NEK10: variants seen among roughly 807,000 people sequenced by gnomAD.
The protein encoded by NEK10 is serine/threonine-protein kinase Nek10.
Under a neutral mutation model 159.8 loss-of-function variants are expected in NEK10, and 122 were observed. That is an observed-to-expected ratio of 0.76 (90% CI 0.66 to 0.89). The LOEUF (loss-of-function observed/expected upper bound fraction) is 0.89, where lower values mean the gene tolerates loss of function less well. Ranked by LOEUF, NEK10 falls within the 40% of genes least tolerant of loss-of-function variation. NEK10 has a pLI of 0.00. For synonymous variants in NEK10, 466 were observed against 457.1 expected (o/e 1.02, Z -0.25); for missense variants, 1,342 against 1,323.1 (o/e 1.01, Z -0.22).
Position 27,108,363 on chromosome 3 carries a change from C to A in NEK10, c.*2909G>T, listed in dbSNP as rs1404178844. Among the ~76,000 whole-genome samples the A allele has an allele frequency of 6.6e-6, 1 of 152,214 alleles. No individual in the cohort carries two copies. Among genetic ancestry groups the A allele is most frequent in the African/African-American group, 2.4e-5 (1 of 41,458 alleles). ...CCTTGAAGACTCCATTTGAAGACTA[C>A]ATGCCTGGAGGAAGATAAAGTTAAC... is the stretch of plus-strand genomic sequence containing the variant. On this transcript the variant is annotated 3_prime_UTR_variant, in exon 36 of 36. Coordinates refer to ENST00000691995, the MANE Select transcript of NEK10 (RefSeq NM_001394966.1).
intron 5 of NEK10, among the ~76,000 whole-genome samples, chr3:27,331,575 C>A (rs9864765): frequency 0.28 from 42,996 of 151,960 alleles, 6,214 homozygotes; most frequent in Middle Eastern, 0.38. Context: ...CCTCCCTCTG[C>A]GATGGAGTCT....
intron 26 of NEK10, among the ~76,000 whole-genome samples, chr3:27,180,785 G>T (rs1948011691): frequency 6.6e-6 from 1 of 151,964 alleles, no homozygotes; most frequent in Admixed American, 6.6e-5. Context: ...CTTTTGCTTG[G>T]CCCACTGCAA....
chr3:27,333,049 T>A (rs2046538710), intron 5 of NEK10, among the ~76,000 whole-genome samples: 1 of 152,036 alleles, frequency 6.6e-6, no homozygotes, highest in Non-Finnish European at 1.5e-5. Context: ...TTCAAATAGG[T>A]CACCCAAGAG....
intron 32 of NEK10, among the ~76,000 whole-genome samples, chr3:27,131,034 C>A (rs925829997): frequency 6.6e-5 from 10 of 152,104 alleles, no homozygotes; most frequent in Admixed American, 5.2e-4. Context: ...TATCAAAGAG[C>A]CTATCATATT....
intron 26 of NEK10, among the ~76,000 whole-genome samples, chr3:27,181,515 T>C (rs961776726): frequency 6.6e-6 from 1 of 151,884 alleles, no homozygotes; most frequent in Non-Finnish European, 1.5e-5. Flanking sequence ...CAGAAGAAAA[T>C]TCATGTATAA....
At chr3:27,191,923 G>A in intron 26 of NEK10, 106 bp downstream of exon 26, 1 of 862,866 alleles carries the variant, frequency 1.2e-6, no homozygotes. Flanking sequence ...AATATTGCAT[G>A]TAACTATTTT....
chr3:27,120,014 G>T (rs1426873766), intron 32 of NEK10, 146 bp from the exon 33 acceptor site: 1 of 545,304 alleles, frequency 1.8e-6, no homozygotes, highest in Non-Finnish European at 3.3e-6. Context: ...AATAGATAAA[G>T]AAATAATCTT....
chr3:27,307,449 A>C (rs2044329390), intron 11 of NEK10, among the ~76,000 whole-genome samples: 1 of 152,180 alleles, frequency 6.6e-6, no homozygotes, highest in Non-Finnish European at 1.5e-5. Flanking sequence ...ATCACAAAAC[A>C]AGTCAGTTGC....
At chr3:27,169,435 C>T (rs367981760) in intron 29 of NEK10, among the ~76,000 whole-genome samples, 21 of 152,234 alleles carry the variant, frequency 1.4e-4, no homozygotes, top group African/African-American at 4.8e-4. Context: ...CACTAAAGAA[C>T]GTCATGAGGT....
At chr3:27,114,889 T>C (rs1553633095) in intron 35 of NEK10, among the ~76,000 whole-genome samples, 1 of 152,174 alleles carries the variant, frequency 6.6e-6, no homozygotes, top group Non-Finnish European at 1.5e-5. Flanking sequence ...CTTAGGTAAG[T>C]CAACAGACAA....
At chr3:27,166,688 G>A (rs566884164) in intron 29 of NEK10, among the ~76,000 whole-genome samples, 2 of 152,142 alleles carry the variant, frequency 1.3e-5, no homozygotes, top group South Asian at 2.1e-4. Flanking sequence ...GGCCTGGCAC[G>A]GTGGCTTATG....
intron 5 of NEK10, among the ~76,000 whole-genome samples, chr3:27,343,774 A>C (rs1323507981): frequency 6.6e-6 from 1 of 152,192 alleles, no homozygotes; most frequent in East Asian, 1.9e-4. Context: ...TACAGTCCCA[A>C]CACTGCACCT....
intron 32 of NEK10, among the ~76,000 whole-genome samples, chr3:27,131,180 T>C (rs1288409868): frequency 2.0e-5 from 3 of 152,148 alleles, no homozygotes; most frequent in African/African-American, 7.2e-5. Context: ...AAATATGAAA[T>C]TGGAGTGCTA....
intron 26 of NEK10, among the ~76,000 whole-genome samples, chr3:27,176,103 C>T (rs1575113176): frequency 6.6e-6 from 1 of 152,182 alleles, no homozygotes; most frequent in Non-Finnish European, 1.5e-5. Context: ...CCTCTAAAAG[C>T]TTTCATATAT....
chr3:27,165,594 G>A (rs1261496415), intron 29 of NEK10, among the ~76,000 whole-genome samples: 1 of 152,124 alleles, frequency 6.6e-6, no homozygotes, highest in Non-Finnish European at 1.5e-5. Context: ...CAGCACTTCA[G>A]GCCAATGGAA....
Position 27,304,759 on chromosome 3 carries a change from T to G in NEK10, c.1016A>C (p.His339Pro). Residue 339 changes from histidine (H) to proline (P), a missense_variant, in exon 12 of 36, where the codon CAT becomes CCT. By Grantham distance (77) the His-to-Pro change is moderately conservative. Coordinates refer to ENST00000691995, the MANE Select transcript of NEK10 (RefSeq NM_001394966.1). The part of the protein sequence containing the change: ...RIWGGIKQLL[H>P]ILQGDRNFVS... Reference sequence around the variant, plus strand: ...CACTTTTACTCACCCTTGTAAAATATGAAGAAGCTGTTTGATGCCTCCCCA... The same window carrying G: ...CACTTTTACTCACCCTTGTAAAATAGGAAGAAGCTGTTTGATGCCTCCCCA... 6.2e-7 allele frequency: 1 copy of G among 1,611,844 alleles called. No homozygotes were observed. The highest frequency in any genetic ancestry group is 8.5e-7 in the Non-Finnish European group (1 of 1,177,962).
At chr3:27,304,720 A>G (rs2044100780) in intron 12 of NEK10, 27 bp downstream of exon 12, 2 of 1,476,324 alleles carry the variant, frequency 1.4e-6, no homozygotes, top group Non-Finnish European at 1.9e-6. Flanking sequence ...AACAGGGCAA[A>G]GTAGGCCAAA....
At chr3:27,129,917 T>C (rs540853923) in intron 32 of NEK10, among the ~76,000 whole-genome samples, 1 of 152,234 alleles carries the variant, frequency 6.6e-6, no homozygotes, top group South Asian at 2.1e-4. Flanking sequence ...AGCTATTTTT[T>C]TCAGTTTGGT....
At chr3:27,277,257 GCTGCTGAACCCACC>G (rs2041840246) in intron 22 of NEK10, among the ~76,000 whole-genome samples, 1 of 132,358 alleles carries the variant, frequency 7.6e-6, no homozygotes, top group African/African-American at 2.8e-5. Flanking sequence ...ATCACCCTAA[GCTGCTGAACCCACC>G]CTGGAACTAC....
Sources: gnomAD v4.1 joint callset for allele counts (sites outside exome capture counted in the v4.1 genomes callset) on GRCh38, gnomAD v4.1.1 for gene constraint, MANE v1.5 for transcripts, NCBI Gene and HGNC (gene_info 2026-07-23, HGNC 2026-07-21) for gene names.